The following ATP2A3 variants were observed in gnomAD, a reference collection of about 807,000 sequenced individuals.
ATP2A3 encodes the protein ATPase sarcoplasmic/endoplasmic reticulum Ca2+ transporting 3.
In ATP2A3, 61 loss-of-function variants were observed where a neutral mutation model predicts 106.8. That is an observed-to-expected ratio of 0.57 (90% CI 0.46 to 0.71). ATP2A3 has a LOEUF of 0.71. Ranked by LOEUF, ATP2A3 falls within the 30% of genes least tolerant of loss-of-function variation. The pLI is 0.00. For missense variants in ATP2A3, 1,201 were observed against 1,423.5 expected (o/e 0.84, Z 2.52); for synonymous variants, 611 against 609.3 (o/e 1.00, Z -0.04).
chr17:3,954,869 T>A (rs1015234289), intron 1 of ATP2A3, among the ~76,000 whole-genome samples: 8 of 152,030 alleles, frequency 5.3e-5, no homozygotes, highest in Admixed American at 1.3e-4. Context: ...GCCCCTGAAG[T>A]GGTTGAATCA....
At chr17:3,937,095 C>T (rs1597597058) in intron 15 of ATP2A3, 1 of 434,288 alleles carries the variant, frequency 2.3e-6, no homozygotes. Flanking sequence ...CGGACACACA[C>T]ACGACTGCCT....
At chr17:3,938,025 A>G (rs1246987878) in intron 14 of ATP2A3, among the ~76,000 whole-genome samples, 2 of 152,182 alleles carry the variant, frequency 1.3e-5, no homozygotes, top group East Asian at 3.9e-4. Flanking sequence ...CCGGGTAAAG[A>G]GCCAGGTAGG....
rs2144399947 is a variant in ATP2A3, at chr17:3,937,693, C to T, written c.2101-57G>A. ...AGAAACTTCCCTTCCACCTCCCCAT[C>T]TCTTCTCAACTCAGCCCACCCCCAA... is the stretch of plus-strand genomic sequence containing the variant. On this transcript the variant is annotated intron_variant, in intron 14 of 20. Coordinates refer to ENST00000397041, the MANE Select transcript of ATP2A3 (RefSeq NM_005173.4). The T allele has an allele frequency of 1.9e-5, 29 of 1,538,738 alleles. No homozygotes were observed. The South Asian group carries it at 3.0e-4, about 16-fold the overall frequency.
chr17:3,957,950 G>A (rs1348953285), intron 1 of ATP2A3, among the ~76,000 whole-genome samples: 1 of 152,170 alleles, frequency 6.6e-6, no homozygotes, highest in Non-Finnish European at 1.5e-5. Context: ...CCGCCACGGT[G>A]ACCCCTGCCT....
chr17:3,930,332 C>T lies in ATP2A3; in HGVS notation c.2713G>A (p.Val905Met), dbSNP rs778352144. The T allele has an allele frequency of 1.9e-6, 3 of 1,609,138 alleles. No individual in the cohort carries two copies. Among genetic ancestry groups the T allele is most frequent in the Non-Finnish European group, 1.7e-6 (2 of 1,177,822 alleles). Residue 905 changes from valine (V) to methionine (M), a missense_variant, in exon 18 of 21, where the codon GTG (valine) becomes ATG (methionine). By Grantham distance (21) the Val-to-Met change is conservative. Coordinates refer to ENST00000397041, the MANE Select transcript of ATP2A3 (RefSeq NM_005173.4). This position sits in a 1 kb window ranked among gnomAD's most constrained non-coding sequence, Gnocchi z 5.4. ...FPTTMALSVL[V>M]TIEMCNALNS... is the part of the protein sequence containing the mutation. ...AGGGCATTGCACATTTCAATGGTCA[C>T]GAGCACGGACAAGGCCATGGTGGTG...
chr17:3,944,779 G>A lies in ATP2A3; in HGVS notation c.1212C>T (p.Cys404=), dbSNP rs889272771. The change falls in exon 10 of 21, where the codon TGC becomes TGT. Residue 404 remains cysteine, a synonymous_variant. Transcript: ENST00000397041. ...GCTCCACCAGCCCGTCGAACTGGCC[G>A]CAGCGCACAGGCTGATCCCCCTGCC... ...EVRQGDQPVR[C]GQFDGLVELA... 4 of 1,612,100 alleles carry A rather than the reference G, an allele frequency of 2.5e-6. No homozygotes were observed. The highest frequency in any genetic ancestry group is 2.7e-5 in the African/African-American group (2 of 74,970).
chr17:3,937,399 G>C lies in ATP2A3; in HGVS notation c.2321+17C>G. 1 of 1,605,812 alleles carries C rather than the reference G, an allele frequency of 6.2e-7. No homozygotes were observed. The highest frequency in any genetic ancestry group is 8.5e-7 in the Non-Finnish European group (1 of 1,176,158). ...AGCGGATTGAGAGGGCTGAGAGGAGGGAAGGCCCGGCCTCACCAGACGACC... is the reference window on the plus strand; with the variant it reads ...AGCGGATTGAGAGGGCTGAGAGGAGCGAAGGCCCGGCCTCACCAGACGACC... On this transcript the variant is annotated intron_variant, in intron 15 of 20. Transcript: ENST00000397041.
Position 3,947,945 on chromosome 17 carries a change from A to T in ATP2A3, c.631-90T>A. 7.7e-7 allele frequency: 1 copy of T among 1,292,684 alleles called. No homozygotes were observed. The highest frequency in any genetic ancestry group is 2.4e-5 in the East Asian group (1 of 41,168). 80.1% of individuals were successfully genotyped at this position (1,292,684 alleles called of 1,614,324 possible). Reference sequence around the variant, plus strand: ...TCCTTCAGGCCGGAATAAGGCACTTATCCTTCTACCCGGCTTTCCTTTTCT... The same window carrying T: ...TCCTTCAGGCCGGAATAAGGCACTTTTCCTTCTACCCGGCTTTCCTTTTCT... On this transcript the variant is annotated intron_variant, in intron 7 of 20. Coordinates refer to ENST00000397041, the MANE Select transcript of ATP2A3 (RefSeq NM_005173.4). The surrounding 1 kb of genome is among the most constrained non-coding windows in gnomAD (Gnocchi z 7.7).
intron 14 of ATP2A3, among the ~76,000 whole-genome samples, chr17:3,939,956 CCT>C (rs2144443244): frequency 6.7e-6 from 1 of 149,454 alleles, no homozygotes; most frequent in Admixed American, 6.7e-5. Context: ...ACAGTGATCG[CCT>C]GTTTTGCGAC....
intron 11 of ATP2A3, among the ~76,000 whole-genome samples, 188 bp from the exon 12 acceptor site, chr17:3,942,919 G>C (rs1176471501): frequency 6.6e-6 from 1 of 152,172 alleles, no homozygotes; most frequent in Non-Finnish European, 1.5e-5. Context: ...GATGCCGTTT[G>C]CTGACCATGC....
chr17:3,949,460 C>T (rs2054295555), intron 7 of ATP2A3, among the ~76,000 whole-genome samples: 1 of 152,188 alleles, frequency 6.6e-6, no homozygotes, highest in Non-Finnish European at 1.5e-5. Flanking sequence ...GAGTATCCCC[C>T]ACCATCCTCC....
intron 14 of ATP2A3, 82 bp from the exon 15 acceptor site, chr17:3,937,718 A>G (rs959549740): frequency 3.7e-6 from 5 of 1,344,206 alleles, no homozygotes; most frequent in East Asian, 2.4e-5. Context: ...CCCACCCCCA[A>G]TCTTAGGGGA....
At position 3,955,558 on chromosome 17, in the gene ATP2A3, G is replaced by C. The variant is rs112848965; in HGVS notation, c.119-1848C>G. Among the ~76,000 whole-genome samples the C allele has an allele frequency of 7.2e-5, 11 of 152,164 alleles. No individual in the cohort carries two copies. The highest frequency in any genetic ancestry group is 1.9e-4 in the East Asian group (1 of 5,200). Reference sequence around the variant, plus strand: ...TTTAGCTGAGGCGAACAGGAAAGGCGGGGGGAGGGCCAGGACTGGTTTCTG... The same window carrying C: ...TTTAGCTGAGGCGAACAGGAAAGGCCGGGGGAGGGCCAGGACTGGTTTCTG... On this transcript the variant is annotated intron_variant, in intron 1 of 20. Coordinates refer to ENST00000397041, the MANE Select transcript of ATP2A3 (RefSeq NM_005173.4). This position sits in a 1 kb window ranked among gnomAD's most constrained non-coding sequence, Gnocchi z 4.2.
Position 3,925,059 on chromosome 17 carries a change from A to C in ATP2A3, c.*363T>G. 2.1e-6 allele frequency: 1 copy of C among 471,262 alleles called. No individual in the cohort carries two copies. Among genetic ancestry groups the C allele is most frequent in the Non-Finnish European group, 3.9e-6 (1 of 254,802 alleles). 29.2% of individuals were successfully genotyped at this position (471,262 alleles called of 1,614,324 possible). On this transcript the variant is annotated 3_prime_UTR_variant, in exon 21 of 21. Coordinates refer to ENST00000397041, the MANE Select transcript of ATP2A3 (RefSeq NM_005173.4). This position sits in a 1 kb window ranked among gnomAD's most constrained non-coding sequence, Gnocchi z 4.2. ...TCCAGCTTCCGAACAAGGGGGAGCA[A>C]GCTCCAGCTGCACTCGTGATTTGGG...
At chr17:3,931,731 C>T (rs1174282071) in intron 17 of ATP2A3, among the ~76,000 whole-genome samples, 3 of 152,118 alleles carry the variant, frequency 2.0e-5, no homozygotes, top group Non-Finnish European at 4.4e-5. Context: ...CCGTGTTAGC[C>T]AGGATGGTCT....
At chr17:3,937,264 G>C in intron 15 of ATP2A3, 152 bp downstream of exon 15, 1 of 877,764 alleles carries the variant, frequency 1.1e-6, no homozygotes, top group Non-Finnish European at 1.8e-6. Flanking sequence ...GCTCTCCCCT[G>C]TCCACTCCAA....
chr17:3,948,958 G>A (rs1485037544), intron 7 of ATP2A3, among the ~76,000 whole-genome samples: 3 of 151,922 alleles, frequency 2.0e-5, no homozygotes, highest in African/African-American at 7.3e-5. Context: ...GTGAAACCCC[G>A]TCTCTAGTAA....
rs1180302829 is a variant in ATP2A3, at chr17:3,953,613, A to G, written c.136+80T>C. 2.6e-6 allele frequency: 4 copies of G among 1,543,336 alleles called. No individual in the cohort carries two copies. The African/African-American group carries it at 5.5e-5, about 21-fold the overall frequency. Reference sequence around the variant, plus strand: ...CTCAGCAAGGCCTCACTCAGCGGGGAGAAGGAAGTCATGACCAGACAGAGA... The same window carrying G: ...CTCAGCAAGGCCTCACTCAGCGGGGGGAAGGAAGTCATGACCAGACAGAGA... On this transcript the variant is annotated intron_variant, in intron 2 of 20. Transcript: ENST00000397041. This position sits in a 1 kb window ranked among gnomAD's most constrained non-coding sequence, Gnocchi z 5.1.
intron 10 of ATP2A3, among the ~76,000 whole-genome samples, chr17:3,944,412 C>T (rs1219421598): frequency 6.6e-6 from 1 of 152,106 alleles, no homozygotes; most frequent in Non-Finnish European, 1.5e-5. Flanking sequence ...CTTCTGCTTT[C>T]AACATTTTCT....
Sources: gnomAD v4.1 joint callset for allele counts (sites outside exome capture counted in the v4.1 genomes callset) on GRCh38, gnomAD v4.1.1 for gene constraint, Gnocchi (gnomAD v3.1) non-coding constraint, MANE v1.5 for transcripts, NCBI Gene and HGNC (gene_info 2026-07-23, HGNC 2026-07-21) for gene names.